Variants in HOXC12 observed in about 807,000 individuals in gnomAD.
HOXC12 encodes the protein homeobox C12.
In HOXC12, 24 loss-of-function variants were observed where a neutral mutation model predicts 20.9. That is an observed-to-expected ratio of 1.15 (90% CI 0.83 to 1.61). HOXC12 has a LOEUF of 1.61. Among genes scored for constraint, HOXC12 ranks in the 40% most tolerant of loss-of-function variants. The probability of loss-of-function intolerance (pLI) is 0.00; values close to 1 mark genes in which losing one functional copy is unlikely to be tolerated. For missense variants in HOXC12, 436 were observed against 406.9 expected, an observed-to-expected ratio of 1.07 and a Z score of -0.62; for synonymous variants, 202 against 197.7, an observed-to-expected ratio of 1.02 and a Z score of -0.18.
Position 53,956,599 on chromosome 12 carries a change from G to A in HOXC12, c.*33G>A. On this transcript the variant is annotated 3_prime_UTR_variant, in exon 2 of 2. Transcript: ENST00000243103. ...GACACGGGCGCCAGCCCCAGACTGA[G>A]CCTGTCCCTGGCAGAGAGCAAAAGA... 1.3e-6 allele frequency: 2 copies of A among 1,527,054 alleles called. No homozygotes were observed. Among genetic ancestry groups the A allele is most frequent in the Non-Finnish European group, 1.8e-6 (2 of 1,121,604 alleles). The allele number at this position is 1,527,054 out of a possible 1,614,324, so 94.6% of individuals were successfully genotyped here.
Position 53,956,595 on chromosome 12 carries a change from C to A in HOXC12, c.*29C>A, listed in dbSNP as rs776119815. 2 of 1,540,686 alleles carry A rather than the reference C, an allele frequency of 1.3e-6. No individual in the cohort carries two copies. The highest frequency in any genetic ancestry group is 1.2e-5 in the South Asian group (1 of 83,686). ...GCAGGACACGGGCGCCAGCCCCAGA[C>A]TGAGCCTGTCCCTGGCAGAGAGCAA... On this transcript the variant is annotated 3_prime_UTR_variant, in exon 2 of 2. Transcript: ENST00000243103.
At chr12:53,955,883 T>A (rs1938858429) in intron 1 of HOXC12, among the ~76,000 whole-genome samples, 1 of 152,072 alleles carries the variant, frequency 6.6e-6, no homozygotes, top group Non-Finnish European at 1.5e-5. Context: ...ACAGACCCCA[T>A]TACTTACATT....
At position 53,956,794 on chromosome 12, in the gene HOXC12, G is replaced by A. The variant is rs1592190148; in HGVS notation, c.*228G>A. 2 of 411,894 alleles carry A rather than the reference G, an allele frequency of 4.9e-6. No individual in the cohort carries two copies. Among genetic ancestry groups the A allele is most frequent in the South Asian group, 6.5e-5 (1 of 15,412 alleles). 25.5% of individuals were successfully genotyped at this position (411,894 alleles called of 1,614,324 possible). On this transcript the variant is annotated 3_prime_UTR_variant, in exon 2 of 2. Coordinates refer to ENST00000243103, the MANE Select transcript of HOXC12 (RefSeq NM_173860.3). ...AACCTAGCCAGGGAGAGCAGAAGCCGGCAGCTGCCTGCGGTTGGCAGGGGC... is the reference window on the plus strand; with the variant it reads ...AACCTAGCCAGGGAGAGCAGAAGCCAGCAGCTGCCTGCGGTTGGCAGGGGC...
rs901359274 is a variant in HOXC12, at chr12:53,956,196, A to G, written c.611-132A>G. ...AAAGACGATTCAGATGACTGGCGGC[A>G]AGGAGAAGGGAGAGAAAGGGCCTGG... On this transcript the variant is annotated intron_variant, in intron 1 of 1. Transcript: ENST00000243103. The G allele has an allele frequency of 2.3e-5, 15 of 659,540 alleles. 1 individual carries two copies. In the Admixed American group the frequency reaches 4.0e-4, roughly 18 times the overall value. 40.9% of individuals were successfully genotyped at this position (659,540 alleles called of 1,614,324 possible).
In HOXC12 at chr12:53,955,520, C is replaced by A. The variant is rs1938850022; in HGVS notation, c.591C>A (p.Gly197=). 3.4e-6 allele frequency: 5 copies of A among 1,466,932 alleles called. No homozygotes were observed. The highest frequency in any genetic ancestry group is 2.6e-5 in the South Asian group (2 of 76,222). 90.9% of individuals were successfully genotyped at this position (1,466,932 alleles called of 1,614,324 possible). A position where few individuals can be genotyped will look rare whatever the true frequency, so the allele number is the denominator to read the frequency against. ...GCTTGGTATCGCCGTTGAACCCCGG[C>A]GGCGGGCTCTCGGCCAGCGGTAAGG... ...PGSLVSPLNP[G]GGLSASGAPW... The change falls in exon 1 of 2, where the codon GGC becomes GGA. Residue 197 remains glycine (G), a synonymous_variant. Coordinates refer to ENST00000243103, the MANE Select transcript of HOXC12 (RefSeq NM_173860.3).
chr12:53,955,224 T>C lies in HOXC12; in HGVS notation c.295T>C (p.Cys99Arg). 1 of 1,598,398 alleles carries C rather than the reference T, an allele frequency of 6.3e-7. No homozygotes were observed. The highest frequency in any genetic ancestry group is 8.5e-7 in the Non-Finnish European group (1 of 1,172,362). ...EDGKGYYREPCAEGGGGGLKR... is the reference protein window; with the variant it reads ...EDGKGYYREPRAEGGGGGLKR... ...CGGCAAGGGTTACTACCGCGAGCCGTGCGCCGAGGGTGGCGGCGGGGGCCT... is the reference window on the plus strand; with the variant it reads ...CGGCAAGGGTTACTACCGCGAGCCGCGCGCCGAGGGTGGCGGCGGGGGCCT... The change falls in exon 1 of 2, where the codon TGC becomes CGC. Residue 99 changes from cysteine to arginine, a missense_variant. Coordinates refer to ENST00000243103, the MANE Select transcript of HOXC12 (RefSeq NM_173860.3).
At position 53,955,190 on chromosome 12, in the gene HOXC12, C is replaced by T. The variant is rs746706121; in HGVS notation, c.261C>T (p.Arg87=). Reference sequence around the variant, plus strand: ...TCGGCCGCACGTGCGAGCTGGCGCGCGTGGAGGACGGCAAGGGTTACTACC... The same window carrying T: ...TCGGCCGCACGTGCGAGCTGGCGCGTGTGGAGGACGGCAAGGGTTACTACC... The part of the protein sequence containing the change: ...PPFGRTCELA[R]VEDGKGYYRE... Residue 87 remains arginine, a synonymous_variant, in exon 1 of 2, where the codon CGC becomes CGT. Coordinates refer to ENST00000243103, the MANE Select transcript of HOXC12 (RefSeq NM_173860.3). The T allele has an allele frequency of 1.2e-6, 2 of 1,610,352 alleles. No homozygotes were observed. The highest frequency in any genetic ancestry group is 1.3e-5 in the African/African-American group (1 of 74,876).
Position 53,955,165 on chromosome 12 carries a change from T to G in HOXC12, c.236T>G (p.Phe79Cys). 6.2e-7 allele frequency: 1 copy of G among 1,610,774 alleles called. No individual in the cohort carries two copies. The highest frequency in any genetic ancestry group is 2.2e-5 in the East Asian group (1 of 44,772). Residue 79 changes from phenylalanine (F) to cysteine (C), a missense_variant, in exon 1 of 2, where the codon TTC (phenylalanine) becomes TGC (cysteine). By Grantham distance (205) the Phe-to-Cys change is radical. Coordinates refer to ENST00000243103, the MANE Select transcript of HOXC12 (RefSeq NM_173860.3). Reference protein sequence around the residue: ...LGSPVSLNPPFGRTCELARVE... With the variant: ...LGSPVSLNPPCGRTCELARVE... Reference sequence around the variant, plus strand: ...AGCCCAGTGTCTCTCAACCCTCCCTTCGGCCGCACGTGCGAGCTGGCGCGC... The same window carrying G: ...AGCCCAGTGTCTCTCAACCCTCCCTGCGGCCGCACGTGCGAGCTGGCGCGC...
Position 53,955,170 on chromosome 12 carries a change from C to T in HOXC12, c.241C>T (p.Arg81Cys). The T allele has an allele frequency of 1.2e-6, 2 of 1,610,924 alleles. No homozygotes were observed. Among genetic ancestry groups the T allele is most frequent in the Non-Finnish European group, 1.7e-6 (2 of 1,179,112 alleles). ...SPVSLNPPFGRTCELARVEDG... is the reference protein window; with the variant it reads ...SPVSLNPPFGCTCELARVEDG... ...AGTGTCTCTCAACCCTCCCTTCGGC[C>T]GCACGTGCGAGCTGGCGCGCGTGGA... Residue 81 changes from arginine to cysteine, a missense_variant, in exon 1 of 2, where the codon CGC (arginine) becomes TGC (cysteine). Physicochemically the swap from Arg to Cys is radical, Grantham distance 180. Transcript: ENST00000243103.
chr12:53,955,355 G>T lies in HOXC12; in HGVS notation c.426G>T (p.Ala142=). The change falls in exon 1 of 2, where the codon GCG becomes GCT. Residue 142 remains alanine (A), a synonymous_variant. Transcript: ENST00000243103. ...PPALGFKYDY[A]AGGGGGDGGG... ...CGCTCGGCTTCAAGTACGACTACGC[G>T]GCGGGCGGCGGCGGTGGCGACGGCG... The T allele has an allele frequency of 7.0e-7, 1 of 1,433,920 alleles. No homozygotes were observed. The highest frequency in any genetic ancestry group is 9.1e-7 in the Non-Finnish European group (1 of 1,098,692). 88.8% of individuals were successfully genotyped at this position (1,433,920 alleles called of 1,614,324 possible). A position where few individuals can be genotyped will look rare whatever the true frequency, so the allele number is the denominator to read the frequency against.
intron 1 of HOXC12, among the ~76,000 whole-genome samples, 172 bp from the exon 2 acceptor site, chr12:53,956,154 ATG>A (rs1358368802): frequency 3.3e-5 from 5 of 152,084 alleles, no homozygotes; most frequent in African/African-American, 1.2e-4. Context: ...GTTGGTGGGG[ATG>A]TGGGTCTGGG....
At position 53,958,929 on chromosome 12, in the gene HOXC12, TTGA is replaced by T. The variant is rs774861816; in HGVS notation, c.*2365_*2367del. The T allele has an allele frequency of 1.5e-4, 23 of 152,272 alleles. 1 individual carries two copies. The highest frequency in any genetic ancestry group is 3.9e-4 in the Admixed American group (6 of 15,292). 9.4% of individuals were successfully genotyped at this position (152,272 alleles called of 1,614,324 possible). A position where few individuals can be genotyped will look rare whatever the true frequency, so the allele number is the denominator to read the frequency against. On this transcript the variant is annotated 3_prime_UTR_variant, in exon 2 of 2. Coordinates refer to ENST00000243103, the MANE Select transcript of HOXC12 (RefSeq NM_173860.3). ...ACAGAGTTGCTTCATCATATTAATA[TTGA>T]TAATAATAATAATTAAAACATGAAT...
rs1481674499 is a variant in HOXC12 at position 53,955,108 on chromosome 12, C to A, written c.179C>A (p.Pro60Gln). 1.9e-6 allele frequency: 3 copies of A among 1,611,924 alleles called. No individual in the cohort carries two copies. The highest frequency in any genetic ancestry group is 1.7e-6 in the Non-Finnish European group (2 of 1,179,310). The change falls in exon 1 of 2, where the codon CCG (proline) becomes CAG (glutamine). Residue 60 changes from proline to glutamine, a missense_variant. Coordinates refer to ENST00000243103, the MANE Select transcript of HOXC12 (RefSeq NM_173860.3). ...TCCCTGTCCTGGCCGTCGGCGGAGC[C>A]GTGCAATGGCTACCCGCAGCCCTAC... ...VCSLSWPSAE[P>Q]CNGYPQPYLG... is the part of the protein sequence containing the mutation.
rs1235345271 is a variant in HOXC12 at position 53,955,228 on chromosome 12, C to A, written c.299C>A (p.Ala100Asp). ...DGKGYYREPC[A>D]EGGGGGLKRE... ...AAGGGTTACTACCGCGAGCCGTGCG[C>A]CGAGGGTGGCGGCGGGGGCCTGAAG... Residue 100 changes from alanine to aspartate, a missense_variant, in exon 1 of 2, where the codon GCC (alanine) becomes GAC (aspartate). Physicochemically the swap from Ala to Asp is moderately radical, Grantham distance 126. Transcript: ENST00000243103. The A allele has an allele frequency of 6.3e-7, 1 of 1,595,618 alleles. No individual in the cohort carries two copies.
In HOXC12 at chr12:53,956,891, G is replaced by C. The variant is rs1050221890; in HGVS notation, c.*325G>C. Reference sequence around the variant, plus strand: ...GGCACTGCACCTCCGCTGAGGATCTGGAGAAGCAGCGGCCCAGATGTCCCC... The same window carrying C: ...GGCACTGCACCTCCGCTGAGGATCTCGAGAAGCAGCGGCCCAGATGTCCCC... On this transcript the variant is annotated 3_prime_UTR_variant, in exon 2 of 2. Transcript: ENST00000243103. 1 of 227,492 alleles carries C rather than the reference G, an allele frequency of 4.4e-6. No individual in the cohort carries two copies. The highest frequency in any genetic ancestry group is 8.5e-6 in the Non-Finnish European group (1 of 117,836). The allele number at this position is 227,492 out of a possible 1,614,324, so 14.1% of individuals were successfully genotyped here. A position where few individuals can be genotyped will look rare whatever the true frequency, so the allele number is the denominator to read the frequency against.
In HOXC12 at chr12:53,958,201, G is replaced by A. The variant is rs147997602; in HGVS notation, c.*1635G>A. The A allele has an allele frequency of 8.3e-3, 1,272 of 152,438 alleles. 13 individuals are homozygous for A. Among genetic ancestry groups the A allele is most frequent in the Middle Eastern group, 0.027 (8 of 298 alleles). The allele number at this position is 152,438 out of a possible 1,614,324, so 9.4% of individuals were successfully genotyped here. ...GTCTCCCCTAACAAACTCTCCAAAG[G>A]CAATCCACCGAGCTTTTTACTCTCC... is the stretch of plus-strand genomic sequence containing the variant. On this transcript the variant is annotated 3_prime_UTR_variant, in exon 2 of 2. Transcript: ENST00000243103.
In HOXC12 at chr12:53,955,336, G is replaced by T. The variant is rs773288738; in HGVS notation, c.407G>T (p.Gly136Val). The T allele has an allele frequency of 2.8e-6, 4 of 1,417,428 alleles. No individual in the cohort carries two copies. Among genetic ancestry groups the T allele is most frequent in the South Asian group, 1.5e-5 (1 of 65,976 alleles). 87.8% of individuals were successfully genotyped at this position (1,417,428 alleles called of 1,614,324 possible). Residue 136 changes from glycine (G) to valine (V), a missense_variant, in exon 1 of 2, where the codon GGC (glycine) becomes GTC (valine). Physicochemically the swap from Gly to Val is moderately radical, Grantham distance 109. Coordinates refer to ENST00000243103, the MANE Select transcript of HOXC12 (RefSeq NM_173860.3). ...PLEPSGPPAL[G>V]FKYDYAAGGG... ...GAGCCGTCGGGGCCGCCTGCGCTCGGCTTCAAGTACGACTACGCGGCGGGC... is the reference window on the plus strand; with the variant it reads ...GAGCCGTCGGGGCCGCCTGCGCTCGTCTTCAAGTACGACTACGCGGCGGGC...
chr12:53,955,563 G>A, intron 1 of HOXC12, 24 bp downstream of exon 1: 1 of 1,390,896 alleles, frequency 7.2e-7, no homozygotes. Flanking sequence ...CCACTCAAGC[G>A]GCGGATTCAA....
chr12:53,955,130 C>G lies in HOXC12; in HGVS notation c.201C>G (p.Pro67=). 6.2e-6 allele frequency: 10 copies of G among 1,610,746 alleles called. No homozygotes were observed. The highest frequency in any genetic ancestry group is 8.5e-6 in the Non-Finnish European group (10 of 1,178,932). ...SAEPCNGYPQ[P]YLGSPVSLNP... ...AGCCGTGCAATGGCTACCCGCAGCC[C>G]TACCTCGGCAGCCCAGTGTCTCTCA... The change falls in exon 1 of 2, where the codon CCC becomes CCG. Residue 67 remains proline, a synonymous_variant. Transcript: ENST00000243103.
Sources: allele counts gnomAD v4.1 joint callset (sites outside exome capture counted in the v4.1 genomes callset), GRCh38; gene constraint gnomAD v4.1.1; transcripts MANE v1.5; gene names NCBI Gene and HGNC (gene_info 2026-07-23, HGNC 2026-07-21).